Variants in NRG1 observed in about 807,000 individuals in gnomAD.
The protein encoded by NRG1 is pro-neuregulin-1, membrane-bound isoform.
A neutral mutation model predicts 63.8 loss-of-function variants in NRG1; 18 were observed. That is an observed-to-expected ratio of 0.28 (90% confidence interval 0.19 to 0.42). NRG1 has a LOEUF of 0.42. Among genes scored for constraint, NRG1 ranks in the 10% least tolerant of loss-of-function variants. NRG1 has a pLI of 1.00. For missense variants in NRG1, 762 were observed against 814.7 expected (o/e 0.94, Z 0.79); for synonymous variants, 302 against 301.3 (o/e 1.00, Z -0.02).
At chr8:31,780,520 A>G (rs59350892) in intron 1 of NRG1, among the ~76,000 whole-genome samples, 23,911 of 152,200 alleles carry the variant, frequency 0.16, 2,180 homozygotes, top group East Asian at 0.2. Flanking sequence ...TGGCACAAAT[A>G]GAAATATTTC....
chr8:32,108,993 G>A (rs896029951), intron 1 of NRG1, among the ~76,000 whole-genome samples: 1 of 152,174 alleles, frequency 6.6e-6, no homozygotes, highest in African/African-American at 2.4e-5. Context: ...AATAACGTCT[G>A]TTTAACCACA....
rs968038218 is a variant in NRG1 at position 31,855,771 on chromosome 8, T to G, written c.37+216340T>G. Among the ~76,000 whole-genome samples the G allele has an allele frequency of 5.1e-4, 77 of 152,328 alleles. 1 individual carries two copies. Among genetic ancestry groups the G allele is most frequent in the African/African-American group, 1.6e-3 (67 of 41,558 alleles). The stretch of plus-strand genomic sequence containing the variant: ...GGTACCGGTTGTTCCTTTTCATGTT[T>G]AGCGCTTCCTTCAGGAGCTCTTTTA... On this transcript the variant is annotated intron_variant, in intron 1 of 10. Coordinates refer to the NRG1 transcript ENST00000519301.
intron 1 of NRG1, among the ~76,000 whole-genome samples, chr8:32,296,913 G>A (rs1318838624): frequency 2.6e-5 from 4 of 151,880 alleles, no homozygotes; most frequent in Admixed American, 1.3e-4. Context: ...TCAAGAGATC[G>A]AAACCATCCT....
chr8:32,640,467 G>T (rs546265555), intron 5 of NRG1, among the ~76,000 whole-genome samples: 6 of 152,172 alleles, frequency 3.9e-5, no homozygotes, highest in South Asian at 2.1e-4. Flanking sequence ...AGTGGACGCA[G>T]ACACAAGTGC....
At chr8:32,138,023 G>T (rs780951069) in intron 1 of NRG1, among the ~76,000 whole-genome samples, 1 of 152,134 alleles carries the variant, frequency 6.6e-6, no homozygotes, top group Non-Finnish European at 1.5e-5. Flanking sequence ...GTAGACAATA[G>T]AGGATTTTCA....
chr8:32,697,113 A>G (rs538425364), intron 5 of NRG1, among the ~76,000 whole-genome samples: 1 of 152,352 alleles, frequency 6.6e-6, no homozygotes, highest in African/African-American at 2.4e-5. Context: ...CACATTAAAC[A>G]TTAGAACTTA....
At chr8:32,760,174 GA>G in intron 10 of NRG1, 25 bp from the exon 11 acceptor site, 2 of 1,612,604 alleles carry the variant, frequency 1.2e-6, no homozygotes, top group Non-Finnish European at 1.7e-6. Context: ...CGAAATATCT[GA>G]TTGTCTCTCC....
chr8:32,245,332 G>T (rs1284327562), intron 1 of NRG1, among the ~76,000 whole-genome samples: 1 of 152,060 alleles, frequency 6.6e-6, no homozygotes, highest in Non-Finnish European at 1.5e-5. Flanking sequence ...AATTTGTAGG[G>T]TTGTAGCCAG....
At chr8:32,689,610 A>G (rs1450919981) in intron 5 of NRG1, among the ~76,000 whole-genome samples, 2 of 152,216 alleles carry the variant, frequency 1.3e-5, no homozygotes, top group Admixed American at 1.3e-4. Flanking sequence ...GAAGCAAATT[A>G]CATATATACA....
chr8:32,757,580 C>T (rs6982890), intron 9 of NRG1, among the ~76,000 whole-genome samples: 29,877 of 152,122 alleles, frequency 0.2, 3,203 homozygotes, highest in Non-Finnish European at 0.25. Flanking sequence ...CCTTTTCACC[C>T]TCTAACAGTG....
At chr8:32,603,979 G>C (rs10954864) in intron 2 of NRG1, among the ~76,000 whole-genome samples, 69,138 of 152,114 alleles carry the variant, frequency 0.45, 16,326 homozygotes, top group Middle Eastern at 0.57. Context: ...TGTCTGAAGA[G>C]AAAGCATAGC....
chr8:32,615,175 C>A (rs1847124314), intron 4 of NRG1, among the ~76,000 whole-genome samples: 1 of 152,100 alleles, frequency 6.6e-6, no homozygotes, highest in Admixed American at 6.6e-5. Context: ...GCATATATAA[C>A]CATAATTCAT....
intron 1 of NRG1, among the ~76,000 whole-genome samples, chr8:31,802,277 GACTTT>G (rs1427757632): frequency 6.6e-6 from 1 of 152,024 alleles, no homozygotes; most frequent in Non-Finnish European, 1.5e-5. Flanking sequence ...TCCTTTTTCT[GACTTT>G]ACTTCATGCT....
intron 1 of NRG1, among the ~76,000 whole-genome samples, chr8:32,504,102 G>A (rs767464987): frequency 6.6e-6 from 1 of 152,188 alleles, no homozygotes; most frequent in Non-Finnish European, 1.5e-5. Context: ...TTAGTGCCAT[G>A]CTTGAGCCCA....
chr8:32,163,937 A>G (rs997934951), intron 1 of NRG1, among the ~76,000 whole-genome samples: 2 of 152,162 alleles, frequency 1.3e-5, no homozygotes, highest in Non-Finnish European at 2.9e-5. Context: ...GCATTTATGA[A>G]CCACTGGCTC....
At chr8:31,663,390 G>A (rs1806201022) in intron 1 of NRG1, among the ~76,000 whole-genome samples, 1 of 152,172 alleles carries the variant, frequency 6.6e-6, no homozygotes, top group Non-Finnish European at 1.5e-5. Context: ...GAGATGAGGA[G>A]TAGGTTGTGG....
At chr8:32,128,045 A>G (rs1368429226) in intron 1 of NRG1, among the ~76,000 whole-genome samples, 2 of 151,988 alleles carry the variant, frequency 1.3e-5, no homozygotes, top group African/African-American at 4.8e-5. Context: ...GTAATGACAC[A>G]ATAAGATTAT....
intron 1 of NRG1, among the ~76,000 whole-genome samples, chr8:32,521,676 G>A (rs548572668): frequency 4.6e-5 from 7 of 152,138 alleles, no homozygotes; most frequent in Non-Finnish European, 7.3e-5. Flanking sequence ...AAAGGTGATC[G>A]TTTCAAAGAT....
intron 1 of NRG1, among the ~76,000 whole-genome samples, chr8:32,330,013 C>G (rs1366339294): frequency 1.7e-5 from 2 of 120,376 alleles, no homozygotes; most frequent in African/African-American, 6.5e-5. Context: ...GCTAGAACTA[C>G]AGGCATGTGC....
Sources: allele counts gnomAD v4.1 joint callset (sites outside exome capture counted in the v4.1 genomes callset), GRCh38; gene constraint gnomAD v4.1.1; transcripts MANE v1.5; gene names NCBI Gene and HGNC (gene_info 2026-07-23, HGNC 2026-07-21).